Variants in AGXT2 observed in about 807,000 individuals in gnomAD.
AGXT2 encodes the protein alanine--glyoxylate aminotransferase 2.
In AGXT2, 61 loss-of-function variants were observed where a neutral mutation model predicts 62.5. That is an observed-to-expected ratio of 0.98 (90% confidence interval 0.79 to 1.21). AGXT2 has a LOEUF of 1.21. Among genes scored for constraint, AGXT2 ranks in the 50% most tolerant of loss-of-function variants. AGXT2 has a pLI of 0.00. For missense variants in AGXT2, 666 were observed against 641.5 expected, an observed-to-expected ratio of 1.04 and a Z score of -0.41; for synonymous variants, 243 against 218.7, an observed-to-expected ratio of 1.11 and a Z score of -0.98.
chr5:35,017,943 T>C (rs1321804652), intron 9 of AGXT2, among the ~76,000 whole-genome samples: 3 of 152,108 alleles, frequency 2.0e-5, no homozygotes, highest in East Asian at 1.9e-4. Flanking sequence ...CCTCCGGAGC[T>C]GATGAGATCA....
intron 13 of AGXT2, among the ~76,000 whole-genome samples, chr5:35,002,483 C>T (rs537336797): frequency 1.3e-5 from 2 of 152,250 alleles, no homozygotes; most frequent in Non-Finnish European, 1.5e-5. Flanking sequence ...TGTGCCTCTA[C>T]CCCTTGAATT....
chr5:35,047,778 A>G (rs1204384854), intron 1 of AGXT2, 27 bp downstream of exon 1: 1 of 1,613,000 alleles, frequency 6.2e-7, no homozygotes, highest in East Asian at 2.2e-5. Flanking sequence ...TCCTCTACTG[A>G]CCCACGTCCC....
intron 9 of AGXT2, among the ~76,000 whole-genome samples, chr5:35,023,293 G>A (rs942706904): frequency 6.6e-6 from 1 of 152,096 alleles, no homozygotes; most frequent in Non-Finnish European, 1.5e-5. Context: ...CAGCAACAGG[G>A]CATACTATAG....
chr5:35,034,843 G>T (rs962365109), intron 5 of AGXT2, among the ~76,000 whole-genome samples: 1 of 152,128 alleles, frequency 6.6e-6, no homozygotes. Flanking sequence ...AAATAGGCCG[G>T]TATTTTTTGG....
Position 35,003,761 on chromosome 5 carries a change from A to T in AGXT2, c.1437+2T>A, listed in dbSNP as rs1159299920. 6.8e-6 allele frequency: 11 copies of T among 1,612,844 alleles called. No homozygotes were observed. The highest frequency in any genetic ancestry group is 9.3e-6 in the Non-Finnish European group (11 of 1,179,064). On this transcript the variant is annotated splice_donor_variant, in intron 13 of 13. Coordinates refer to ENST00000231420, the MANE Select transcript of AGXT2 (RefSeq NM_031900.4). LOFTEE classifies it high-confidence loss of function. Reference sequence around the variant, plus strand: ...ATAGGTAAAAACCAGTCTTTCTCTTACCTGAGAAAAAATGCTGCCTCTGCC... The same window carrying T: ...ATAGGTAAAAACCAGTCTTTCTCTTTCCTGAGAAAAAATGCTGCCTCTGCC...
intron 9 of AGXT2, 77 bp from the exon 10 acceptor site, chr5:35,014,196 G>A (rs1766759058): frequency 1.3e-6 from 2 of 1,591,464 alleles, no homozygotes; most frequent in East Asian, 4.5e-5. Flanking sequence ...GCTCACACCT[G>A]TAATCCCAGC....
chr5:35,044,167 GT>G (rs1444932321), intron 1 of AGXT2, among the ~76,000 whole-genome samples: 1 of 152,208 alleles, frequency 6.6e-6, no homozygotes, highest in Non-Finnish European at 1.5e-5. Context: ...GGCCTTGGCA[GT>G]TTTGAAGTCC....
At chr5:35,019,516 T>A (rs547830834) in intron 9 of AGXT2, among the ~76,000 whole-genome samples, 1 of 152,236 alleles carries the variant, frequency 6.6e-6, no homozygotes. Context: ...AAGATGTTCT[T>A]TGAAACCATT....
intron 9 of AGXT2, among the ~76,000 whole-genome samples, chr5:35,024,051 C>T (rs549005803): frequency 6.6e-6 from 1 of 152,198 alleles, no homozygotes; most frequent in Non-Finnish European, 1.5e-5. Context: ...CACTACCACA[C>T]CCAGCTACTT....
At chr5:35,024,650 G>A (rs1159278897) in intron 9 of AGXT2, among the ~76,000 whole-genome samples, 1 of 152,136 alleles carries the variant, frequency 6.6e-6, no homozygotes, top group Non-Finnish European at 1.5e-5. Context: ...CTAATTTAGA[G>A]GCTGGATTAT....
intron 1 of AGXT2, among the ~76,000 whole-genome samples, chr5:35,045,819 G>A (rs1768178887): frequency 7.1e-6 from 1 of 141,242 alleles, no homozygotes; most frequent in Admixed American, 7.4e-5. Context: ...CCAGGCTGGA[G>A]TGCAGTGGCG....
intron 2 of AGXT2, 146 bp from the exon 3 acceptor site, chr5:35,039,654 A>G (rs1767908703): frequency 1.4e-6 from 1 of 726,604 alleles, no homozygotes; most frequent in African/African-American, 1.8e-5. Flanking sequence ...CTTACCCAAT[A>G]TCGTCCCTGC....
intron 5 of AGXT2, among the ~76,000 whole-genome samples, chr5:35,034,797 A>T (rs1767703119): frequency 6.6e-6 from 1 of 152,218 alleles, no homozygotes. Flanking sequence ...GGCACTATGA[A>T]ATCAGTGGAC....
chr5:35,037,752 T>C (rs1767837028), intron 3 of AGXT2, among the ~76,000 whole-genome samples: 1 of 152,190 alleles, frequency 6.6e-6, no homozygotes, highest in African/African-American at 2.4e-5. Context: ...GATTCTAATA[T>C]CTGAGTCTGA....
At chr5:35,004,473 T>C (rs1766347856) in intron 12 of AGXT2, among the ~76,000 whole-genome samples, 1 of 152,178 alleles carries the variant, frequency 6.6e-6, no homozygotes, top group Non-Finnish European at 1.5e-5. Flanking sequence ...CCCCAGCCAT[T>C]CAGAGCAGGT....
Position 35,010,503 on chromosome 5 carries a change from C to A in AGXT2, c.1189-354G>T, listed in dbSNP as rs147600419. On this transcript the variant is annotated intron_variant, in intron 11 of 13. Transcript: ENST00000231420. ...GACCAGCCTGGCCAATAGGGTGAAA[C>A]CCCGTCTCTACTTTAAAAAAAAAAT... Among the ~76,000 whole-genome samples the A allele has an allele frequency of 2.6e-5, 4 of 151,914 alleles. No homozygotes were observed. The East Asian group carries it at 7.8e-4, about 29-fold the overall frequency.
chr5:35,028,096 G>C (rs1384611221), intron 7 of AGXT2, among the ~76,000 whole-genome samples: 2 of 151,920 alleles, frequency 1.3e-5, no homozygotes, highest in Non-Finnish European at 2.9e-5. Context: ...GCACTCCACA[G>C]AGCCATCAAC....
rs1561221442 is a variant in AGXT2, at chr5:35,021,212, G to GA, written c.963+4550dup. 2.0e-5 allele frequency among the ~76,000 whole-genome samples: 3 copies of GA among 152,156 alleles called. No homozygotes were observed. The South Asian group carries it at 6.2e-4, about 32-fold the overall frequency. ...TACCAATGACTTTCTTCACAGAATT[G>GA]AAAAAACTACTTCAAAGTTCATATG... On this transcript the variant is annotated intron_variant, in intron 9 of 13. Coordinates refer to ENST00000231420, the MANE Select transcript of AGXT2 (RefSeq NM_031900.4).
chr5:35,000,690 C>A (rs7717823), intron 13 of AGXT2, among the ~76,000 whole-genome samples: 2 of 152,036 alleles, frequency 1.3e-5, no homozygotes, highest in African/African-American at 2.4e-5. Flanking sequence ...CTCTCCTGCC[C>A]GTTAAAAGTC....
Sources: allele counts gnomAD v4.1 joint callset (sites outside exome capture counted in the v4.1 genomes callset), GRCh38; gene constraint gnomAD v4.1.1; transcripts MANE v1.5; gene names NCBI Gene and HGNC (gene_info 2026-07-23, HGNC 2026-07-21).